AKAP12: variants seen among roughly 807,000 people sequenced by gnomAD.
The protein encoded by AKAP12 is A-kinase anchor protein 12.
AKAP12 carries 32 observed loss-of-function variants against 79.9 expected under a neutral mutation model. The ratio of observed to expected loss-of-function variants is 0.40; its 90% CI spans 0.30 to 0.54. The LOEUF (loss-of-function observed/expected upper bound fraction) is 0.54, where lower values mean the gene tolerates loss of function less well. AKAP12 is among the 20% of genes least tolerant of loss of function. The pLI, the probability that AKAP12 is intolerant of heterozygous loss-of-function variation, is 0.48. For missense variants in AKAP12, 2,074 were observed against 2,177.0 expected (o/e 0.95, Z 0.94); for synonymous variants, 808 against 857.0 (o/e 0.94, Z 1.00).
intron 2 of AKAP12, among the ~76,000 whole-genome samples, chr6:151,241,091 G>C (rs1277572930): frequency 2.0e-5 from 3 of 152,330 alleles, no homozygotes; most frequent in African/African-American, 7.2e-5. Context: ...GATCCGTGGA[G>C]AATGGACCCC....
At chr6:151,343,059 G>A (rs1470015896) in intron 3 of AKAP12, among the ~76,000 whole-genome samples, 1 of 152,160 alleles carries the variant, frequency 6.6e-6, no homozygotes, top group Admixed American at 6.5e-5. Context: ...CATAGTGCCC[G>A]GCCCAATAGC....
In AKAP12 at chr6:151,352,499, G is replaced by C. The variant is rs371673151; in HGVS notation, c.4108G>C (p.Val1370Leu). ...AACAGCTGTTACCGTATCTGAAGAG[G>C]TCAGTAAGCAGCTCCTCCAGACAGT... ...HETAVTVSEE[V>L]SKQLLQTVNV... Residue 1370 changes from valine to leucine, a missense_variant, in exon 4 of 5, where the codon GTC becomes CTC. By Grantham distance (32) the Val-to-Leu change is conservative (BLOSUM62 1). Coordinates refer to ENST00000402676, the MANE Select transcript of AKAP12 (RefSeq NM_005100.4). 8 of 1,614,088 alleles carry C rather than the reference G, an allele frequency of 5.0e-6. No homozygotes were observed. The highest frequency in any genetic ancestry group is 6.8e-6 in the Non-Finnish European group (8 of 1,180,040).
chr6:151,291,691 AC>A (rs1266646375), intron 2 of AKAP12, among the ~76,000 whole-genome samples: 1 of 152,194 alleles, frequency 6.6e-6, no homozygotes, highest in East Asian at 1.9e-4. Flanking sequence ...GCATCCACGG[AC>A]CCTAAATGGA....
At chr6:151,266,476 G>A (rs1040340744) in intron 2 of AKAP12, among the ~76,000 whole-genome samples, 6 of 152,186 alleles carry the variant, frequency 3.9e-5, no homozygotes, top group African/African-American at 1.4e-4. Flanking sequence ...AAGGACAGAG[G>A]AGGGAGGAGT....
chr6:151,308,770 ATAAT>A (rs1265823032), intron 3 of AKAP12, among the ~76,000 whole-genome samples: 1 of 152,090 alleles, frequency 6.6e-6, no homozygotes, highest in Non-Finnish European at 1.5e-5. Flanking sequence ...CTGGCAGATG[ATAAT>A]TAATAGCCTG....
intron 2 of AKAP12, among the ~76,000 whole-genome samples, chr6:151,266,918 G>A (rs1361239086): frequency 6.6e-6 from 1 of 151,026 alleles, no homozygotes; most frequent in African/African-American, 2.4e-5. Context: ...TCAGGAGGCT[G>A]AGGCAGGAGA....
rs772704022 is a variant in AKAP12, at chr6:151,349,081, C to T, written c.690C>T (p.Ser230=). ...LGAGEAASKE[S]EPKQSTEKPE... Reference sequence around the variant, plus strand: ...CTGGAGAAGCAGCATCCAAAGAAAGCGAACCCAAACAATCTACAGAGAAAC... The same window carrying T: ...CTGGAGAAGCAGCATCCAAAGAAAGTGAACCCAAACAATCTACAGAGAAAC... Residue 230 remains serine (S), a synonymous_variant, in exon 4 of 5, where the codon AGC becomes AGT. Transcript: ENST00000402676. The T allele has an allele frequency of 6.2e-6, 10 of 1,611,738 alleles. No homozygotes were observed. The highest frequency in any genetic ancestry group is 2.7e-5 in the African/African-American group (2 of 74,532).
chr6:151,332,033 G>GTTTTTTTTT (rs71014573), intron 3 of AKAP12, among the ~76,000 whole-genome samples: 2 of 79,680 alleles, frequency 2.5e-5, no homozygotes, highest in African/African-American at 1.1e-4. Flanking sequence ...TTCTGGGTCT[G>GTTTTTTTTT]TTTTTTTTTT....
At position 151,352,487 on chromosome 6, in the gene AKAP12, G is replaced by A. The variant is rs767006018; in HGVS notation, c.4096G>A (p.Val1366Ile). The A allele has an allele frequency of 2.1e-5, 34 of 1,614,046 alleles. No homozygotes were observed. Among genetic ancestry groups the A allele is most frequent in the African/African-American group, 2.7e-5 (2 of 74,902 alleles). Residue 1366 changes from valine (V) to isoleucine (I), a missense_variant, in exon 4 of 5, where the codon GTA becomes ATA. By Grantham distance (29) the Val-to-Ile change is conservative. This residue lies in a region of AKAP12 where 614 missense variants were observed against 665.6 expected (regional missense o/e 0.92). Transcript: ENST00000402676. ...GCTTGAGCACGAAACAGCTGTTACC[G>A]TATCTGAAGAGGTCAGTAAGCAGCT... is the stretch of plus-strand genomic sequence containing the variant. ...EKLEHETAVT[V>I]SEEVSKQLLQ...
chr6:151,286,097 T>TG (rs1776500427), intron 2 of AKAP12, among the ~76,000 whole-genome samples: 1 of 152,118 alleles, frequency 6.6e-6, no homozygotes, highest in East Asian at 1.9e-4. Context: ...AGGCTGGTCT[T>TG]GAACTCCTGG....
chr6:151,338,547 C>G (rs1044137235), intron 3 of AKAP12, among the ~76,000 whole-genome samples: 1 of 151,898 alleles, frequency 6.6e-6, no homozygotes, highest in Non-Finnish European at 1.5e-5. Flanking sequence ...CCTCCGCCTC[C>G]CGGGTTTAAG....
chr6:151,262,741 A>C (rs893468047), intron 2 of AKAP12, among the ~76,000 whole-genome samples: 1 of 152,230 alleles, frequency 6.6e-6, no homozygotes, highest in African/African-American at 2.4e-5. Context: ...AAAAAGAAGA[A>C]AATTCCTAAA....
chr6:151,321,903 GTTTTTTTTT>G lies in AKAP12; in HGVS notation c.319+16017_319+16025del, dbSNP rs11415941. On this transcript the variant is annotated intron_variant, in intron 3 of 4. Coordinates refer to ENST00000402676, the MANE Select transcript of AKAP12 (RefSeq NM_005100.4). ...TTTAAACCAGGCACATCAGCTTTATGTTTTTTTTTTTTTTTTTTTTTTTTTGACACAGTC... is the reference window on the plus strand; with the variant it reads ...TTTAAACCAGGCACATCAGCTTTATGTTTTTTTTTTTTTTTTGACACAGTC... Among the ~76,000 whole-genome samples, 45 of 67,326 alleles carry G rather than the reference GTTTTTTTTT, an allele frequency of 6.7e-4. 1 individual carries two copies. Among genetic ancestry groups the G allele is most frequent in the Admixed American group, 6.6e-3 (38 of 5,740 alleles). The allele number at this position is 67,326 out of a possible 152,430, so 44.2% of individuals were successfully genotyped here. A position where few individuals can be genotyped will look rare whatever the true frequency, so the allele number is the denominator to read the frequency against.
rs1484313217 is a variant in AKAP12, at chr6:151,323,820, C to T, written c.319+17917C>T. ...TCATTCTGCTCTGCAAGGGCAGACTCGATTTCAGAAGTGGCACCAGATGAT... is the reference window on the plus strand; with the variant it reads ...TCATTCTGCTCTGCAAGGGCAGACTTGATTTCAGAAGTGGCACCAGATGAT... On this transcript the variant is annotated intron_variant, in intron 3 of 4. Coordinates refer to ENST00000402676, the MANE Select transcript of AKAP12 (RefSeq NM_005100.4). The T allele has an allele frequency of 1.0e-5, 10 of 985,292 alleles. No individual in the cohort carries two copies. In the South Asian group the frequency reaches 2.8e-4, roughly 28 times the overall value. The allele number at this position is 985,292 out of a possible 1,614,324, so 61.0% of individuals were successfully genotyped here.
At chr6:151,263,951 C>G (rs1456786622) in intron 2 of AKAP12, among the ~76,000 whole-genome samples, 1 of 152,190 alleles carries the variant, frequency 6.6e-6, no homozygotes, top group Admixed American at 6.5e-5. Context: ...CTCTGCATCT[C>G]TCCACCTAGG....
intron 3 of AKAP12, among the ~76,000 whole-genome samples, chr6:151,339,900 T>C (rs1777904615): frequency 6.6e-6 from 1 of 152,128 alleles, no homozygotes; most frequent in Non-Finnish European, 1.5e-5. Context: ...CCTCCGTGTA[T>C]TTTCATGGCC....
At chr6:151,245,341 T>C (rs958026705) in intron 2 of AKAP12, among the ~76,000 whole-genome samples, 2 of 151,896 alleles carry the variant, frequency 1.3e-5, no homozygotes, top group African/African-American at 2.4e-5. Flanking sequence ...CAACTAAATT[T>C]CCTTGAACCG....
intron 2 of AKAP12, among the ~76,000 whole-genome samples, chr6:151,284,984 A>G (rs952295542): frequency 1.3e-5 from 2 of 152,240 alleles, no homozygotes; most frequent in African/African-American, 4.8e-5. Context: ...AGGTCAACAA[A>G]GAGAATGAAA....
Position 151,353,279 on chromosome 6 carries a change from A to C in AKAP12, c.4888A>C (p.Ile1630Leu). 1 of 1,614,172 alleles carries C rather than the reference A, an allele frequency of 6.2e-7. No individual in the cohort carries two copies. Among genetic ancestry groups the C allele is most frequent in the Non-Finnish European group, 8.5e-7 (1 of 1,180,034 alleles). ...CGCAGTGGGACAAGCACATTCTGAT[A>C]TTTCCAAAGACATGAGTGAAGCCTC... is the stretch of plus-strand genomic sequence containing the variant. ...STAVGQAHSD[I>L]SKDMSEASEK... The change falls in exon 4 of 5, where the codon ATT becomes CTT. Residue 1630 changes from isoleucine to leucine, a missense_variant. This residue lies in a region of AKAP12 where 614 missense variants were observed against 665.6 expected (regional missense o/e 0.92). Transcript: ENST00000402676.
Sources: gnomAD v4.1 joint callset for allele counts (sites outside exome capture counted in the v4.1 genomes callset) on GRCh38, gnomAD v4.1.1 for gene constraint, gnomAD v4.1.1 regional missense constraint, MANE v1.5 for transcripts, NCBI Gene and HGNC (gene_info 2026-07-23, HGNC 2026-07-21) for gene names.